The following PDE8B variants were observed in gnomAD, a reference collection of about 807,000 sequenced individuals.
PDE8B encodes the protein phosphodiesterase 8B, also known as high affinity cAMP-specific and IBMX-insensitive 3',5'-cyclic phosphodiesterase 8B.
In PDE8B, 26 loss-of-function variants were observed where a neutral mutation model predicts 101.3. That is an observed-to-expected ratio of 0.26 (90% CI 0.19 to 0.36). The LOEUF is 0.36. Among genes scored for constraint, PDE8B ranks in the 10% least tolerant of loss-of-function variants. PDE8B has a pLI of 1.00. For missense variants in PDE8B, 810 were observed against 1,163.1 expected (o/e 0.70, Z 4.42); for synonymous variants, 424 against 429.3 (o/e 0.99, Z 0.15).
At chr5:77,254,925 G>A (rs1463883911) in intron 1 of PDE8B, among the ~76,000 whole-genome samples, 2 of 152,198 alleles carry the variant, frequency 1.3e-5, no homozygotes, top group East Asian at 1.9e-4. Context: ...GGGAGACAGG[G>A]AGGGTGGATG....
chr5:77,380,367 A>G lies in PDE8B; in HGVS notation c.1168-19881A>G, dbSNP rs564921597. On this transcript the variant is annotated intron_variant, in intron 10 of 21. Coordinates refer to ENST00000264917, the MANE Select transcript of PDE8B (RefSeq NM_003719.5). ...AAGTAACAGACTCTGTCAGAAGCTC[A>G]AGGAACCAAGTTAGGGACAAAGGTG... is the stretch of plus-strand genomic sequence containing the variant. 5.9e-5 allele frequency among the ~76,000 whole-genome samples: 9 copies of G among 152,344 alleles called. No individual in the cohort carries two copies. The East Asian group carries it at 1.7e-3, about 29-fold the overall frequency.
intron 1 of PDE8B, among the ~76,000 whole-genome samples, chr5:77,251,804 T>C (rs1169288571): frequency 6.6e-6 from 1 of 152,254 alleles, no homozygotes; most frequent in Non-Finnish European, 1.5e-5. Context: ...CTTCCACTGA[T>C]TTATTAATTT....
chr5:77,311,796 T>C (rs1044051566), intron 1 of PDE8B, among the ~76,000 whole-genome samples, 198 bp from the exon 2 acceptor site: 3 of 109,132 alleles, frequency 2.7e-5, no homozygotes, highest in Non-Finnish European at 5.3e-5. Flanking sequence ...TGCATATAAA[T>C]GGATACTTTT....
the PDE8B span, among the ~76,000 whole-genome samples, chr5:77,128,743 C>T: frequency 6.6e-6 from 1 of 152,190 alleles, no homozygotes; most frequent in Non-Finnish European, 1.5e-5. Context: ...GGAGCATTTA[C>T]TTTAACTCAA....
intron 2 of PDE8B, among the ~76,000 whole-genome samples, chr5:77,322,224 G>A (rs947130594): frequency 1.3e-5 from 2 of 152,128 alleles, no homozygotes; most frequent in Non-Finnish European, 2.9e-5. Context: ...TTGGGGAATG[G>A]GCTCTGGATT....
At chr5:77,399,007 A>C (rs977080658) in intron 10 of PDE8B, among the ~76,000 whole-genome samples, 1 of 152,218 alleles carries the variant, frequency 6.6e-6, no homozygotes, top group African/African-American at 2.4e-5. Context: ...TCTAATAGGA[A>C]CTTATGAACA....
At chr5:77,411,397 A>G (rs577466863) in intron 14 of PDE8B, among the ~76,000 whole-genome samples, 1 of 152,298 alleles carries the variant, frequency 6.6e-6, no homozygotes, top group African/African-American at 2.4e-5. Flanking sequence ...GGAGAGGAAG[A>G]TGGCCTCAGA....
chr5:77,151,337 G>C, the PDE8B span: 1 of 152,246 alleles, frequency 6.6e-6, no homozygotes, highest in Non-Finnish European at 1.5e-5. Flanking sequence ...GAGCACTATT[G>C]ACCACAGTGA....
chr5:77,274,450 C>T (rs547852631), intron 1 of PDE8B, among the ~76,000 whole-genome samples: 2 of 152,272 alleles, frequency 1.3e-5, no homozygotes, highest in South Asian at 4.2e-4. Context: ...CTGACATATT[C>T]ATTCATTCCA....
intron 10 of PDE8B, among the ~76,000 whole-genome samples, chr5:77,387,227 GCTT>G (rs1788895667): frequency 6.6e-6 from 1 of 152,028 alleles, no homozygotes; most frequent in African/African-American, 2.4e-5. Context: ...CATGTTTAGT[GCTT>G]CTTTCAGGAG....
chr5:77,112,882 CAG>C, the PDE8B span: 1 of 152,164 alleles, frequency 6.6e-6, no homozygotes, highest in Non-Finnish European at 1.5e-5. Context: ...AATAGACAAA[CAG>C]AGAGCCAAAT....
chr5:77,270,015 G>T (rs962825917), intron 1 of PDE8B, among the ~76,000 whole-genome samples: 2 of 152,054 alleles, frequency 1.3e-5, no homozygotes, highest in Non-Finnish European at 2.9e-5. Flanking sequence ...GAAGAATGTT[G>T]TTGGTATTTT....
chr5:77,309,713 G>A (rs1224443983), intron 1 of PDE8B, among the ~76,000 whole-genome samples: 1 of 151,808 alleles, frequency 6.6e-6, no homozygotes, highest in East Asian at 1.9e-4. Flanking sequence ...TCCACCTCCC[G>A]AGTTCAAGCC....
At chr5:77,097,809 C>T in the PDE8B span, among the ~76,000 whole-genome samples, 1 of 141,532 alleles carries the variant, frequency 7.1e-6, no homozygotes, top group Non-Finnish European at 1.5e-5. Context: ...TAACCCATCA[C>T]AGGTAAGAGT....
rs190969665 is a variant in PDE8B, at chr5:77,408,593, G to A, written c.1366-300G>A. On this transcript the variant is annotated intron_variant, in intron 13 of 21. Coordinates refer to ENST00000264917, the MANE Select transcript of PDE8B (RefSeq NM_003719.5). ...GACAAAATATCATTTCTGGAAGCGAGAGAGTGAGAGAGGGGCCCAGAACAG... is the reference window on the plus strand; with the variant it reads ...GACAAAATATCATTTCTGGAAGCGAAAGAGTGAGAGAGGGGCCCAGAACAG... Among the ~76,000 whole-genome samples, 3 of 152,282 alleles carry A rather than the reference G, an allele frequency of 2.0e-5. No homozygotes were observed. The East Asian group carries it at 5.8e-4, about 29-fold the overall frequency.
At chr5:77,293,158 G>T (rs1178461105) in intron 1 of PDE8B, among the ~76,000 whole-genome samples, 1 of 151,734 alleles carries the variant, frequency 6.6e-6, no homozygotes, top group Non-Finnish European at 1.5e-5. Flanking sequence ...CACATATATC[G>T]CTTTATATAT....
intron 5 of PDE8B, among the ~76,000 whole-genome samples, chr5:77,335,981 A>G (rs771547357): frequency 5.9e-5 from 9 of 152,252 alleles, no homozygotes; most frequent in Non-Finnish European, 8.8e-5. Flanking sequence ...ATCACATAGC[A>G]TATATAAGAA....
chr5:77,120,916 G>C, the PDE8B span, among the ~76,000 whole-genome samples: 2 of 152,240 alleles, frequency 1.3e-5, no homozygotes, highest in Non-Finnish European at 2.9e-5. Context: ...TAGGGAGCTA[G>C]AGTACACAGC....
intron 1 of PDE8B, among the ~76,000 whole-genome samples, chr5:77,234,510 G>A (rs936842526): frequency 6.6e-6 from 1 of 152,134 alleles, no homozygotes; most frequent in African/African-American, 2.4e-5. Flanking sequence ...GCATGTTCAA[G>A]AGGACTTTAC....
Sources: allele counts gnomAD v4.1 joint callset (sites outside exome capture counted in the v4.1 genomes callset), GRCh38; gene constraint gnomAD v4.1.1; transcripts MANE v1.5; gene names NCBI Gene and HGNC (gene_info 2026-07-23, HGNC 2026-07-21).